Variants in KCTD16 observed in about 807,000 individuals in gnomAD.
KCTD16 encodes the protein BTB/POZ domain-containing protein KCTD16.
In KCTD16, 13 loss-of-function variants were observed where a neutral mutation model predicts 33.2. The ratio of observed to expected loss-of-function variants is 0.39; its 90% confidence interval spans 0.25 to 0.62. The LOEUF (loss-of-function observed/expected upper bound fraction) is 0.62. Ranked by LOEUF, KCTD16 falls within the 20% of genes least tolerant of loss-of-function variation. KCTD16 has a pLI of 0.50. For missense variants in KCTD16, 441 were observed against 525.1 expected, an observed-to-expected ratio of 0.84 and a Z score of 1.57; for synonymous variants, 197 against 195.3, an observed-to-expected ratio of 1.01 and a Z score of -0.07.
At chr5:144,356,246 C>T (rs933977610) in intron 3 of KCTD16, among the ~76,000 whole-genome samples, 7 of 152,008 alleles carry the variant, frequency 4.6e-5, no homozygotes, top group African/African-American at 9.7e-5. Context: ...ATGAGAAGTT[C>T]GAAAAAGATC....
At chr5:144,210,915 G>T (rs942186525) in intron 3 of KCTD16, among the ~76,000 whole-genome samples, 2 of 152,090 alleles carry the variant, frequency 1.3e-5, no homozygotes, top group African/African-American at 4.8e-5. Context: ...ACTTAGGGAG[G>T]TTAATTCATA....
intron 3 of KCTD16, among the ~76,000 whole-genome samples, chr5:144,387,406 A>G (rs1008822690): frequency 6.6e-6 from 1 of 152,158 alleles, no homozygotes; most frequent in African/African-American, 2.4e-5. Context: ...AAGGTCACAT[A>G]TTTAATAGTG....
chr5:144,416,470 A>C (rs74521418), intron 3 of KCTD16, among the ~76,000 whole-genome samples: 8 of 152,300 alleles, frequency 5.3e-5, no homozygotes, highest in Non-Finnish European at 1.2e-4. Flanking sequence ...CACACCTCGG[A>C]TAGTTCTTTG....
intron 3 of KCTD16, among the ~76,000 whole-genome samples, chr5:144,216,423 T>G (rs569409829): frequency 5.9e-5 from 9 of 152,350 alleles, no homozygotes; most frequent in African/African-American, 2.2e-4. Flanking sequence ...AAGAAAGTTA[T>G]AATAATTTCC....
At chr5:144,424,121 G>A (rs986851935) in intron 3 of KCTD16, among the ~76,000 whole-genome samples, 1 of 152,142 alleles carries the variant, frequency 6.6e-6, no homozygotes, top group African/African-American at 2.4e-5. Context: ...TGAAGTCCAG[G>A]ACTCTCTACC....
chr5:144,208,222 A>G (rs1227297780), intron 3 of KCTD16, among the ~76,000 whole-genome samples: 1 of 152,266 alleles, frequency 6.6e-6, no homozygotes, highest in Non-Finnish European at 1.5e-5. Flanking sequence ...TAGATCCTTC[A>G]GAATTGTCAA....
At position 144,281,356 on chromosome 5, in the gene KCTD16, C is replaced by T. The variant is rs539524461; in HGVS notation, c.832+73810C>T. ...TGTATACATCTTCTTTGAAGCACTG[C>T]TTTAGATGCACTCTGTACATTTTGA... On this transcript the variant is annotated intron_variant, in intron 3 of 3. Transcript: ENST00000512467. Among the ~76,000 whole-genome samples the T allele has an allele frequency of 8.5e-5, 13 of 152,268 alleles. No homozygotes were observed. In the South Asian group the frequency reaches 2.7e-3, roughly 32 times the overall value.
chr5:144,192,736 T>A (rs1752867132), intron 2 of KCTD16, among the ~76,000 whole-genome samples: 1 of 152,288 alleles, frequency 6.6e-6, no homozygotes, highest in African/African-American at 2.4e-5. Flanking sequence ...AATATCACTA[T>A]TTTTGAAATG....
intron 2 of KCTD16, among the ~76,000 whole-genome samples, chr5:144,185,677 A>G (rs1752710200): frequency 6.6e-6 from 1 of 152,096 alleles, no homozygotes; most frequent in African/African-American, 2.4e-5. Flanking sequence ...CTAGACACCC[A>G]TTTACATTTT....
chr5:144,323,738 C>T (rs998062544), intron 3 of KCTD16, among the ~76,000 whole-genome samples: 2 of 152,106 alleles, frequency 1.3e-5, no homozygotes, highest in Non-Finnish European at 2.9e-5. Context: ...ATTTTCACAG[C>T]CACCACATAT....
chr5:144,370,236 G>T (rs1005742691), intron 3 of KCTD16, among the ~76,000 whole-genome samples: 2 of 152,092 alleles, frequency 1.3e-5, no homozygotes, highest in Non-Finnish European at 2.9e-5. Context: ...AGCTAAGGAG[G>T]GGGTAGAAGG....
intron 3 of KCTD16, among the ~76,000 whole-genome samples, chr5:144,319,294 A>G (rs1459489756): frequency 6.6e-6 from 1 of 152,178 alleles, no homozygotes; most frequent in Admixed American, 6.5e-5. Flanking sequence ...AAAGAATAGA[A>G]AATAACTTAC....
chr5:144,205,581 A>G (rs1341887785), intron 2 of KCTD16: 8 of 398,690 alleles, frequency 2.0e-5, no homozygotes, highest in Non-Finnish European at 3.5e-5. Context: ...CTAGCAGGGC[A>G]CATCTCTCCA....
At position 144,460,172 on chromosome 5, in the gene KCTD16, C is replaced by G. The variant is rs574443915; in HGVS notation, c.833-13488C>G. On this transcript the variant is annotated intron_variant, in intron 3 of 3. Transcript: ENST00000512467. Reference sequence around the variant, plus strand: ...TATCACTCCTTTTTGATCATTCAAGCCATGCAAGTCCTCTTTCTTTTCCTT... The same window carrying G: ...TATCACTCCTTTTTGATCATTCAAGGCATGCAAGTCCTCTTTCTTTTCCTT... Among the ~76,000 whole-genome samples, 7 of 152,228 alleles carry G rather than the reference C, an allele frequency of 4.6e-5. No individual in the cohort carries two copies. The South Asian group carries it at 1.5e-3, about 32-fold the overall frequency.
intron 3 of KCTD16, among the ~76,000 whole-genome samples, chr5:144,444,249 G>A (rs114627409): frequency 0.051 from 7,306 of 144,180 alleles, 599 homozygotes; most frequent in African/African-American, 0.18. Context: ...AGTTCATAGC[G>A]ATATTTCCAA....
intron 3 of KCTD16, among the ~76,000 whole-genome samples, chr5:144,317,470 A>G (rs1266924191): frequency 6.6e-6 from 1 of 152,206 alleles, no homozygotes; most frequent in East Asian, 1.9e-4. Context: ...GAATCAGCAT[A>G]CTAGTGTAGG....
intron 3 of KCTD16, among the ~76,000 whole-genome samples, chr5:144,327,686 A>G (rs1052075651): frequency 6.6e-6 from 1 of 152,180 alleles, no homozygotes; most frequent in Non-Finnish European, 1.5e-5. Context: ...CCCACAAAAA[A>G]TCATATTTTT....
chr5:144,214,062 A>G (rs1035421648), intron 3 of KCTD16, among the ~76,000 whole-genome samples: 6 of 152,108 alleles, frequency 3.9e-5, no homozygotes, highest in African/African-American at 1.4e-4. Flanking sequence ...ACTCCACTGA[A>G]CTTAACCATT....
intron 3 of KCTD16, among the ~76,000 whole-genome samples, chr5:144,470,536 T>C (rs1754445789): frequency 6.6e-6 from 1 of 152,178 alleles, no homozygotes; most frequent in Admixed American, 6.5e-5. Context: ...ATATAATACA[T>C]AGACTTCAGA....
Sources: allele counts gnomAD v4.1 joint callset (sites outside exome capture counted in the v4.1 genomes callset), GRCh38; gene constraint gnomAD v4.1.1; transcripts MANE v1.5; gene names NCBI Gene and HGNC (gene_info 2026-07-23, HGNC 2026-07-21).